The following ZNF487 variants were observed in gnomAD, a reference collection of about 807,000 sequenced individuals.
The protein encoded by ZNF487 is zinc finger protein 487, also known as KRAB domain only 1.
In ZNF487, 4 loss-of-function variants were observed where a neutral mutation model predicts 3.0. That is an observed-to-expected ratio of 1.35 (90% CI 0.66 to 3.08). The LOEUF is 3.08. ZNF487 is among the 30% of genes most tolerant of loss of function. The pLI, the probability that ZNF487 is intolerant of heterozygous loss-of-function variation, is 0.01. For synonymous variants in ZNF487, 55 were observed against 34.6 expected, an observed-to-expected ratio of 1.59 and a Z score of -2.06; for missense variants, 146 against 98.7, an observed-to-expected ratio of 1.48 and a Z score of -2.03.
At chr10:43,500,546 G>A in the ZNF487 span, among the ~76,000 whole-genome samples, 1 of 152,042 alleles carries the variant, frequency 6.6e-6, no homozygotes, top group Non-Finnish European at 1.5e-5. Context: ...CAGTCACCGA[G>A]GCTGGAGTGC....
chr10:43,455,800 T>G (rs1445460344), intron 1 of ZNF487, among the ~76,000 whole-genome samples: 1 of 152,242 alleles, frequency 6.6e-6, no homozygotes, highest in Non-Finnish European at 1.5e-5. Flanking sequence ...CGCGCCAGGC[T>G]GGCAGCCGGC....
At chr10:43,498,114 CT>C in the ZNF487 span, among the ~76,000 whole-genome samples, 3 of 24,616 alleles carry the variant, frequency 1.2e-4, no homozygotes, top group Admixed American at 8.2e-4. Flanking sequence ...TTTTTTTTTT[CT>C]TTTTTTTTTT....
chr10:43,439,349 A>C (rs887156312), intron 1 of ZNF487, among the ~76,000 whole-genome samples: 1 of 152,106 alleles, frequency 6.6e-6, no homozygotes, highest in African/African-American at 2.4e-5. Flanking sequence ...TCAGTGAGCC[A>C]TGATTGCACT....
At chr10:43,501,863 A>G in the ZNF487 span, among the ~76,000 whole-genome samples, 1 of 152,126 alleles carries the variant, frequency 6.6e-6, no homozygotes, top group African/African-American at 2.4e-5. Flanking sequence ...ACCATTTACA[A>G]TAGCATTAAA....
At chr10:43,521,852 AAT>A in the ZNF487 span, among the ~76,000 whole-genome samples, 1 of 151,650 alleles carries the variant, frequency 6.6e-6, no homozygotes, top group African/African-American at 2.4e-5. Flanking sequence ...TCATATATGT[AAT>A]ATATACACAC....
chr10:43,478,511 C>T (rs967096230), intron 3 of ZNF487, among the ~76,000 whole-genome samples: 1 of 152,160 alleles, frequency 6.6e-6, no homozygotes, highest in African/African-American at 2.4e-5. Flanking sequence ...TGAGATTGCG[C>T]CATTGCACTC....
At chr10:43,478,198 T>C (rs533136701) in intron 3 of ZNF487, among the ~76,000 whole-genome samples, 1 of 152,186 alleles carries the variant, frequency 6.6e-6, no homozygotes, top group South Asian at 2.1e-4. Context: ...CCCAAGAGGA[T>C]TGCTTGAGGT....
At chr10:43,469,171 G>A (rs1840816565) in intron 1 of ZNF487, among the ~76,000 whole-genome samples, 1 of 151,836 alleles carries the variant, frequency 6.6e-6, no homozygotes, top group African/African-American at 2.4e-5. Context: ...TTCACTATAG[G>A]CTCAGATGAT....
At chr10:43,517,980 C>T in the ZNF487 span, among the ~76,000 whole-genome samples, 3 of 152,166 alleles carry the variant, frequency 2.0e-5, no homozygotes, top group Admixed American at 2.0e-4. Flanking sequence ...GGGTCAGCAC[C>T]AGTGGCCACT....
intron 1 of ZNF487, among the ~76,000 whole-genome samples, chr10:43,467,808 CTCTA>C (rs1383615650): frequency 1.4e-5 from 2 of 146,888 alleles, no homozygotes; most frequent in Non-Finnish European, 3.0e-5. Context: ...CAGAATGAGA[CTCTA>C]TCTCAGAAAA....
chr10:43,497,666 TG>T, the ZNF487 span, among the ~76,000 whole-genome samples: 1 of 152,042 alleles, frequency 6.6e-6, no homozygotes, highest in Admixed American at 6.6e-5. Context: ...AAGTGGTGTT[TG>T]ATACATAAGA....
At position 43,482,816 on chromosome 10, in the gene ZNF487, A is replaced by C. The variant is rs986079307; in HGVS notation, c.*894A>C. The stretch of plus-strand genomic sequence containing the variant: ...TTAGAGAACATCAGAGAATTCACAC[A>C]GGGGAGAAACCCTATGAATGTAATG... On this transcript the variant is annotated 3_prime_UTR_variant, in exon 4 of 4. Transcript: ENST00000437590. The C allele has an allele frequency of 3.9e-6, 2 of 516,532 alleles. No individual in the cohort carries two copies. The highest frequency in any genetic ancestry group is 7.9e-6 in the Non-Finnish European group (2 of 252,242). 32.0% of individuals were successfully genotyped at this position (516,532 alleles called of 1,614,324 possible). A position where few individuals can be genotyped will look rare whatever the true frequency, so the allele number is the denominator to read the frequency against.
rs529710236 is a variant in ZNF487, at chr10:43,475,260, C to G, written c.-93-461C>G. ...GTAGGCCGGGCCTAGTGGTTCACAT[C>G]TGTAATCCCAGCACTTTGGGAGGCC... On this transcript the variant is annotated intron_variant, in intron 1 of 3. Transcript: ENST00000437590. Among the ~76,000 whole-genome samples, 3 of 152,256 alleles carry G rather than the reference C, an allele frequency of 2.0e-5. No homozygotes were observed. The South Asian group carries it at 6.2e-4, about 32-fold the overall frequency.
intron 1 of ZNF487, among the ~76,000 whole-genome samples, chr10:43,456,822 C>T (rs903270824): frequency 2.6e-5 from 4 of 152,158 alleles, no homozygotes; most frequent in Non-Finnish European, 4.4e-5. Flanking sequence ...CTCAGGTGAT[C>T]CGCGCGCCTC....
chr10:43,513,035 C>T, the ZNF487 span, among the ~76,000 whole-genome samples: 1 of 152,210 alleles, frequency 6.6e-6, no homozygotes, highest in African/African-American at 2.4e-5. Context: ...AAATGTCTCA[C>T]CAGTAAGTCC....
intron 1 of ZNF487, among the ~76,000 whole-genome samples, chr10:43,439,179 T>G (rs572697422): frequency 6.6e-6 from 1 of 150,906 alleles, no homozygotes; most frequent in Non-Finnish European, 1.5e-5. Flanking sequence ...GAGGCCGAGG[T>G]TGCAGTGAGC....
At chr10:43,516,241 T>G in the ZNF487 span, among the ~76,000 whole-genome samples, 1 of 152,180 alleles carries the variant, frequency 6.6e-6, no homozygotes, top group African/African-American at 2.4e-5. Flanking sequence ...AATGCGTTTA[T>G]TTTGCATAAC....
At chr10:43,492,630 T>G in the ZNF487 span, among the ~76,000 whole-genome samples, 1 of 151,992 alleles carries the variant, frequency 6.6e-6, no homozygotes, top group Non-Finnish European at 1.5e-5. Flanking sequence ...TTTTTTGTAT[T>G]TTTTAGTAGA....
chr10:43,466,406 C>CTT lies in ZNF487; in HGVS notation c.-93-9302_-93-9301dup, dbSNP rs529133882. On this transcript the variant is annotated intron_variant, in intron 1 of 3. Coordinates refer to ENST00000437590, the MANE Select transcript of ZNF487 (RefSeq NM_001355444.3). Reference sequence around the variant, plus strand: ...TTTTCTTTTCTTTTTTTCTTTCTTTCTTTTTTTTTTTTTTGAGATGGAGTC... The same window carrying CTT: ...TTTTCTTTTCTTTTTTTCTTTCTTTCTTTTTTTTTTTTTTTTGAGATGGAGTC... 5.7e-3 allele frequency among the ~76,000 whole-genome samples: 805 copies of CTT among 140,980 alleles called. 9 individuals carry two copies. The highest frequency in any genetic ancestry group is 0.016 in the African/African-American group (609 of 38,414). The allele number at this position is 140,980 out of a possible 152,430, so 92.5% of individuals were successfully genotyped here. A position where few individuals can be genotyped will look rare whatever the true frequency, so the allele number is the denominator to read the frequency against.
Sources: allele counts gnomAD v4.1 joint callset (sites outside exome capture counted in the v4.1 genomes callset), GRCh38; gene constraint gnomAD v4.1.1; transcripts MANE v1.5; gene names NCBI Gene and HGNC (gene_info 2026-07-23, HGNC 2026-07-21).